The following KLF12 variants were observed in gnomAD, a reference collection of about 807,000 sequenced individuals.
The protein encoded by KLF12 is KLF transcription factor 12.
In KLF12, 9 loss-of-function variants were observed where a neutral mutation model predicts 37.8. The ratio of observed to expected loss-of-function variants is 0.24; its 90% confidence interval spans 0.14 to 0.42. The LOEUF (loss-of-function observed/expected upper bound fraction) is 0.42, where lower values mean the gene tolerates loss of function less well. Among genes scored for constraint, KLF12 ranks in the 10% least tolerant of loss-of-function variants. KLF12 has a pLI of 1.00. For synonymous variants in KLF12, 208 were observed against 202.1 expected, an observed-to-expected ratio of 1.03 and a Z score of -0.25; for missense variants, 411 against 516.0, an observed-to-expected ratio of 0.80 and a Z score of 1.97.
At chr13:74,153,416 G>C in the KLF12 span, among the ~76,000 whole-genome samples, 1 of 152,302 alleles carries the variant, frequency 6.6e-6, no homozygotes, top group East Asian at 1.9e-4. Flanking sequence ...TACCGTCTGT[G>C]CTTGTTCAGT....
the KLF12 span, among the ~76,000 whole-genome samples, chr13:74,304,306 G>A: frequency 2.8e-4 from 42 of 152,174 alleles, no homozygotes; most frequent in African/African-American, 9.9e-4. Flanking sequence ...CAGTCACTCT[G>A]AAGCGTTGCT....
At chr13:74,173,013 C>A in the KLF12 span, among the ~76,000 whole-genome samples, 1 of 152,226 alleles carries the variant, frequency 6.6e-6, no homozygotes, top group East Asian at 1.9e-4. Context: ...TTCTGAGATT[C>A]TGGGGCTTTT....
At chr13:74,297,218 G>T in the KLF12 span, among the ~76,000 whole-genome samples, 1 of 152,130 alleles carries the variant, frequency 6.6e-6, no homozygotes, top group Non-Finnish European at 1.5e-5. Context: ...TTGATCCCTG[G>T]AATAGCTTAA....
chr13:73,789,623 C>A (rs1437746503), intron 5 of KLF12, among the ~76,000 whole-genome samples: 1 of 151,918 alleles, frequency 6.6e-6, no homozygotes, highest in African/African-American at 2.4e-5. Flanking sequence ...ATAAAAGTTT[C>A]CCAGTTAGGG....
intron 1 of KLF12, among the ~76,000 whole-genome samples, chr13:74,098,101 T>C (rs1222387156): frequency 1.3e-5 from 2 of 152,174 alleles, no homozygotes; most frequent in African/African-American, 4.8e-5. Context: ...ATCATTAACC[T>C]TCTCACAAAA....
chr13:74,137,362 T>C (rs368666062), upstream of KLF12, among the ~76,000 whole-genome samples: 1 of 152,238 alleles, frequency 6.6e-6, no homozygotes, highest in African/African-American at 2.4e-5. Flanking sequence ...TTCAATCCTG[T>C]TTAAAACCAA....
chr13:74,133,325 C>T (rs1257077199), intron 1 of KLF12, among the ~76,000 whole-genome samples: 1 of 151,822 alleles, frequency 6.6e-6, no homozygotes, highest in Non-Finnish European at 1.5e-5. Flanking sequence ...GCCCCCCCTC[C>T]CCCCCAAGTT....
At chr13:73,897,344 A>T (rs1010917487) in intron 3 of KLF12, among the ~76,000 whole-genome samples, 4 of 152,164 alleles carry the variant, frequency 2.6e-5, no homozygotes. Flanking sequence ...CGCAACATGC[A>T]TCTACAGGCC....
chr13:74,158,676 T>C, the KLF12 span, among the ~76,000 whole-genome samples: 3 of 152,054 alleles, frequency 2.0e-5, no homozygotes, highest in South Asian at 6.2e-4. Flanking sequence ...AAAAAGGCCA[T>C]ATGTAGATAT....
intron 4 of KLF12, chr13:73,845,268 A>C (rs1338074620): frequency 6.6e-6 from 1 of 152,330 alleles, no homozygotes; most frequent in African/African-American, 2.4e-5. Flanking sequence ...CACAAGCTAC[A>C]TGATACTACT....
At chr13:74,063,082 C>T (rs1026794106) in intron 1 of KLF12, among the ~76,000 whole-genome samples, 1 of 152,160 alleles carries the variant, frequency 6.6e-6, no homozygotes, top group African/African-American at 2.4e-5. Flanking sequence ...TCCTCTGTGC[C>T]GCACCTCCAG....
chr13:73,865,092 T>C (rs183731429), intron 3 of KLF12, among the ~76,000 whole-genome samples: 2 of 152,226 alleles, frequency 1.3e-5, no homozygotes, highest in African/African-American at 4.8e-5. Context: ...ATAAGTCAAA[T>C]GTTAAGGTCA....
In KLF12 at chr13:73,716,275, C is replaced by T. The variant is rs113709290; in HGVS notation, c.870-750G>A. Among the ~76,000 whole-genome samples, 1,170 of 152,272 alleles carry T rather than the reference C, an allele frequency of 7.7e-3. 17 individuals carry two copies. The highest frequency in any genetic ancestry group is 0.027 in the African/African-American group (1,115 of 41,548). ...TTTATAATGTCAGGTAATTGACTAA[C>T]ATGTACTTAAAAAAATCTTAATCTC... On this transcript the variant is annotated intron_variant, in intron 6 of 7. Coordinates refer to ENST00000377669, the MANE Select transcript of KLF12 (RefSeq NM_007249.5).
chr13:74,273,350 C>CTCAT, the KLF12 span, among the ~76,000 whole-genome samples: 2 of 151,934 alleles, frequency 1.3e-5, no homozygotes, highest in Non-Finnish European at 2.9e-5. Flanking sequence ...TCTCCTTGGG[C>CTCAT]TCATTTTTTT....
Position 73,846,262 on chromosome 13 carries a change from T to C in KLF12, c.235A>G (p.Thr79Ala). ...TTTATTGACAAGTCCACTGGCTCAG[T>C]TTGTGTTTGGAAGTGATCTACAGAT... Residue 79 changes from threonine (T) to alanine (A), a missense_variant, in exon 4 of 8, where the codon ACT (threonine) becomes GCT (alanine). Physicochemically the swap from Thr to Ala is moderately conservative, Grantham distance 58. Coordinates refer to ENST00000377669, the MANE Select transcript of KLF12 (RefSeq NM_007249.5). 2 of 1,613,922 alleles carry C rather than the reference T, an allele frequency of 1.2e-6. No homozygotes were observed. Among genetic ancestry groups the C allele is most frequent in the Non-Finnish European group, 1.7e-6 (2 of 1,179,984 alleles).
chr13:74,183,324 G>A, the KLF12 span, among the ~76,000 whole-genome samples: 1 of 152,158 alleles, frequency 6.6e-6, no homozygotes, highest in South Asian at 2.1e-4. Context: ...TGACTTGTCA[G>A]GGATTTGCAT....
the KLF12 span, among the ~76,000 whole-genome samples, chr13:74,172,618 C>T: frequency 6.6e-6 from 1 of 152,162 alleles, no homozygotes; most frequent in Non-Finnish European, 1.5e-5. Flanking sequence ...AGATCTCTTT[C>T]TCTCCATGAG....
chr13:73,699,410 T>A lies in KLF12; in HGVS notation c.1028-3739A>T, dbSNP rs541894178. Among the ~76,000 whole-genome samples the A allele has an allele frequency of 1.1e-4, 16 of 151,944 alleles. No individual in the cohort carries two copies. In the South Asian group the frequency reaches 1.2e-3, roughly 12 times the overall value. Reference sequence around the variant, plus strand: ...CCAAAATATAAAAATAAATAATTTTTAAAAATGAAAATTAAAAAAAATTGA... The same window carrying A: ...CCAAAATATAAAAATAAATAATTTTAAAAAATGAAAATTAAAAAAAATTGA... On this transcript the variant is annotated intron_variant, in intron 7 of 7. Coordinates refer to ENST00000377669, the MANE Select transcript of KLF12 (RefSeq NM_007249.5).
At chr13:73,842,615 CA>C (rs1884797623) in intron 4 of KLF12, among the ~76,000 whole-genome samples, 1 of 152,224 alleles carries the variant, frequency 6.6e-6, no homozygotes, top group African/African-American at 2.4e-5. Context: ...ATTTCTCTAT[CA>C]GAGACCAGAT....
Sources: gnomAD v4.1 joint callset for allele counts (sites outside exome capture counted in the v4.1 genomes callset) on GRCh38, gnomAD v4.1.1 for gene constraint, MANE v1.5 for transcripts, NCBI Gene and HGNC (gene_info 2026-07-23, HGNC 2026-07-21) for gene names.